Variants in GULP1 observed in about 807,000 individuals in gnomAD.
GULP1 encodes the protein PTB domain-containing engulfment adapter protein 1.
In GULP1, 19 loss-of-function variants were observed where a neutral mutation model predicts 40.9. The ratio of observed to expected loss-of-function variants is 0.46; its 90% confidence interval spans 0.32 to 0.68. The LOEUF (loss-of-function observed/expected upper bound fraction) is 0.68. GULP1 is among the 30% of genes least tolerant of loss of function. The pLI, the probability that GULP1 is intolerant of heterozygous loss-of-function variation, is 0.03. For synonymous variants in GULP1, 119 were observed against 117.6 expected, an observed-to-expected ratio of 1.01 and a Z score of -0.08; for missense variants, 312 against 362.2, an observed-to-expected ratio of 0.86 and a Z score of 1.12.
In GULP1 at chr2:188,292,226, T is replaced by A. The variant is rs993715228; in HGVS notation, c.-172+60T>A. On this transcript the variant is annotated intron_variant, in intron 1 of 11. Transcript: ENST00000409830. This position sits in a 1 kb window ranked among gnomAD's most constrained non-coding sequence, Gnocchi z 4.0. The stretch of plus-strand genomic sequence containing the variant: ...GAACCCAGGCTCCCTCCAGGTAGCG[T>A]GGAATCGCTTAGAAGCTGATATCCC... The A allele has an allele frequency of 2.0e-5, 3 of 152,408 alleles. No individual in the cohort carries two copies. The East Asian group carries it at 5.8e-4, about 29-fold the overall frequency. The allele number at this position is 152,408 out of a possible 1,614,324, so 9.4% of individuals were successfully genotyped here. A position where few individuals can be genotyped will look rare whatever the true frequency, so the allele number is the denominator to read the frequency against.
intron 1 of GULP1, among the ~76,000 whole-genome samples, chr2:188,308,734 C>G (rs1023948653): frequency 3.3e-5 from 5 of 152,172 alleles, no homozygotes; most frequent in Non-Finnish European, 4.4e-5. Flanking sequence ...GGCTCCATCA[C>G]TTGCTAGTAA....
chr2:188,497,285 T>C (rs1012750943), intron 4 of GULP1, among the ~76,000 whole-genome samples: 1 of 152,004 alleles, frequency 6.6e-6, no homozygotes, highest in Admixed American at 6.6e-5. Flanking sequence ...TCATAAGTAA[T>C]GTTCTTCTGT....
chr2:188,496,389 T>C (rs1181725441), intron 4 of GULP1, among the ~76,000 whole-genome samples: 1 of 151,984 alleles, frequency 6.6e-6, no homozygotes, highest in Admixed American at 6.6e-5. Flanking sequence ...ACACAAACAT[T>C]TGGCGAGGAG....
At chr2:188,326,718 G>A (rs1022760506) in intron 1 of GULP1, among the ~76,000 whole-genome samples, 29 of 152,068 alleles carry the variant, frequency 1.9e-4, no homozygotes, top group African/African-American at 5.3e-4. Flanking sequence ...CAAAGAAGTC[G>A]TGTTAATGAC....
chr2:188,389,088 C>A (rs1469838597), intron 2 of GULP1, among the ~76,000 whole-genome samples: 3 of 152,092 alleles, frequency 2.0e-5, no homozygotes, highest in Non-Finnish European at 4.4e-5. Flanking sequence ...AGAAACAGGC[C>A]TTTTGTTTAG....
intron 1 of GULP1, among the ~76,000 whole-genome samples, chr2:188,355,969 A>G (rs1268713737): frequency 1.3e-5 from 2 of 152,150 alleles, no homozygotes; most frequent in African/African-American, 4.8e-5. Flanking sequence ...AAAGCATTTG[A>G]TAAAATTCAA....
intron 1 of GULP1, among the ~76,000 whole-genome samples, chr2:188,307,860 T>G (rs2037374848): frequency 6.6e-6 from 1 of 152,224 alleles, no homozygotes; most frequent in South Asian, 2.1e-4. Context: ...ATTTCATATT[T>G]GTAGTACTAT....
chr2:188,496,078 T>G (rs964395957), intron 4 of GULP1, among the ~76,000 whole-genome samples: 5 of 152,014 alleles, frequency 3.3e-5, no homozygotes, highest in Non-Finnish European at 7.4e-5. Flanking sequence ...TACCCACTAA[T>G]GATGATAAGC....
chr2:188,392,422 G>A (rs570021549), intron 2 of GULP1, among the ~76,000 whole-genome samples: 1 of 152,012 alleles, frequency 6.6e-6, no homozygotes, highest in South Asian at 2.1e-4. Flanking sequence ...ATGATCTTTT[G>A]TATTTCAGTG....
chr2:188,486,217 A>G (rs1032120895), intron 4 of GULP1, among the ~76,000 whole-genome samples: 4 of 152,070 alleles, frequency 2.6e-5, no homozygotes, highest in Non-Finnish European at 5.9e-5. Flanking sequence ...TAAACCTCTT[A>G]GGAAGTTATT....
At chr2:188,532,434 G>A (rs1422859134) in intron 6 of GULP1, among the ~76,000 whole-genome samples, 1 of 152,122 alleles carries the variant, frequency 6.6e-6, no homozygotes, top group African/African-American at 2.4e-5. Context: ...GCTACAAGAT[G>A]GCTACCACCT....
rs1250580224 is a variant in GULP1 at position 188,529,020 on chromosome 2, C to T, written c.163-77C>T. On this transcript the variant is annotated intron_variant, in intron 5 of 11. Coordinates refer to ENST00000409830, the MANE Select transcript of GULP1 (RefSeq NM_016315.4). ...ATTAAAGTCTGAAATTGAATATGAA[C>T]TCCAAATGTATATTTATTTTTGTTC... 6.8e-6 allele frequency: 5 copies of T among 733,948 alleles called. No homozygotes were observed. The Admixed American group carries it at 1.4e-4, about 21-fold the overall frequency. The allele number at this position is 733,948 out of a possible 1,614,324, so 45.5% of individuals were successfully genotyped here. A position where few individuals can be genotyped will look rare whatever the true frequency, so the allele number is the denominator to read the frequency against.
chr2:188,539,582 A>C (rs972384348), intron 6 of GULP1, among the ~76,000 whole-genome samples: 1 of 152,154 alleles, frequency 6.6e-6, no homozygotes, highest in African/African-American at 2.4e-5. Context: ...AAACAGATGA[A>C]TTAGGCTATC....
chr2:188,334,063 C>G (rs757746734), intron 1 of GULP1, among the ~76,000 whole-genome samples: 1 of 152,096 alleles, frequency 6.6e-6, no homozygotes, highest in Non-Finnish European at 1.5e-5. Context: ...AACTCCTTGC[C>G]CTTTTTAAAT....
Position 188,295,802 on chromosome 2 carries a change from G to C in GULP1, c.-172+3636G>C, listed in dbSNP as rs185876793. Among the ~76,000 whole-genome samples the C allele has an allele frequency of 4.9e-3, 739 of 151,930 alleles. 10 individuals carry two copies. Among genetic ancestry groups the C allele is most frequent in the Non-Finnish European group, 5.3e-3 (360 of 67,886 alleles). On this transcript the variant is annotated intron_variant, in intron 1 of 11. Transcript: ENST00000409830. ...TAGTTGGGTTGAAACTTACACTATG[G>C]GTATCCTTGAACAAGTGGCTGTTTG...
At chr2:188,569,470 T>TCTAGAAATTTCCTGTATGCCA in intron 8 of GULP1, 115 bp downstream of exon 8, 1 of 732,026 alleles carries the variant, frequency 1.4e-6, no homozygotes, top group African/African-American at 1.8e-5. Context: ...ACTGACTGAT[T>TCTAGAAATTTCCTGTATGCCA]GGAACTGCTT....
intron 2 of GULP1, among the ~76,000 whole-genome samples, chr2:188,473,795 G>A (rs935573369): frequency 1.1e-3 from 174 of 152,224 alleles, no homozygotes; most frequent in African/African-American, 4.1e-3. Flanking sequence ...GTATCTAGGT[G>A]CAAGACAAAG....
chr2:188,430,446 A>T (rs533608190), intron 2 of GULP1, among the ~76,000 whole-genome samples: 1 of 152,202 alleles, frequency 6.6e-6, no homozygotes, highest in Non-Finnish European at 1.5e-5. Flanking sequence ...TGAAAAGAGA[A>T]TGTGAGTTAA....
At chr2:188,498,048 T>G (rs1005605573) in intron 4 of GULP1, among the ~76,000 whole-genome samples, 1 of 151,934 alleles carries the variant, frequency 6.6e-6, no homozygotes, top group South Asian at 2.1e-4. Context: ...CATTGGCACC[T>G]TGACTTATAC....
Sources: gnomAD v4.1 joint callset for allele counts (sites outside exome capture counted in the v4.1 genomes callset) on GRCh38, gnomAD v4.1.1 for gene constraint, Gnocchi (gnomAD v3.1) non-coding constraint, MANE v1.5 for transcripts, NCBI Gene and HGNC (gene_info 2026-07-23, HGNC 2026-07-21) for gene names.